Variants in LRRIQ1 observed in about 807,000 individuals in gnomAD.
LRRIQ1 encodes the protein leucine rich repeats and IQ motif containing 1.
A neutral mutation model predicts 211.9 loss-of-function variants in LRRIQ1; 210 were observed. The observed-to-expected ratio is 0.99, with a 90% CI of 0.89 to 1.11. The LOEUF (loss-of-function observed/expected upper bound fraction) is 1.11. Among genes scored for constraint, LRRIQ1 ranks in the 50% most tolerant of loss-of-function variants. The probability of loss-of-function intolerance (pLI) is 0.00; values close to 1 mark genes in which losing one functional copy is unlikely to be tolerated. For synonymous variants in LRRIQ1, 699 were observed against 650.1 expected (o/e 1.08, Z -1.14); for missense variants, 2,136 against 1,939.5 (o/e 1.10, Z -1.90).
chr12:85,041,471 G>C (rs1309447689), intron 3 of LRRIQ1, among the ~76,000 whole-genome samples: 1 of 151,478 alleles, frequency 6.6e-6, no homozygotes, highest in African/African-American at 2.4e-5. Flanking sequence ...GAAGGTCTCT[G>C]TGACAAGGTG....
intron 24 of LRRIQ1, among the ~76,000 whole-genome samples, chr12:85,178,657 C>T (rs1161620078): frequency 1.3e-5 from 2 of 151,964 alleles, no homozygotes; most frequent in African/African-American, 4.8e-5. Flanking sequence ...TCCCTTACAT[C>T]TTCGCTTCCA....
intron 17 of LRRIQ1, among the ~76,000 whole-genome samples, chr12:85,125,538 C>G (rs1405854410): frequency 6.6e-6 from 1 of 152,124 alleles, no homozygotes; most frequent in East Asian, 1.9e-4. Context: ...TGGTGCTGAG[C>G]AGTGCAAATA....
chr12:85,098,406 A>G lies in LRRIQ1; in HGVS notation c.2939A>G (p.Gln980Arg). 6.2e-7 allele frequency: 1 copy of G among 1,610,512 alleles called. No individual in the cohort carries two copies. Among genetic ancestry groups the G allele is most frequent in the Non-Finnish European group, 8.5e-7 (1 of 1,178,412 alleles). Residue 980 changes from glutamine to arginine, a missense_variant, in exon 12 of 27, where the codon CAG (glutamine) becomes CGG (arginine). Coordinates refer to ENST00000393217, the MANE Select transcript of LRRIQ1 (RefSeq NM_001079910.2). ...NLQQLILDHN[Q>R]LINTKGLCDT... ...CAACAACTAATTTTGGACCACAATC[A>G]GTTAATTAATACAAAAGGTCTTTGT...
intron 26 of LRRIQ1, among the ~76,000 whole-genome samples, chr12:85,241,797 A>G (rs911596570): frequency 4.6e-5 from 7 of 152,000 alleles, no homozygotes; most frequent in East Asian, 1.9e-4. Flanking sequence ...TTCACTTCCA[A>G]AAAGACAATA....
chr12:85,237,152 A>G (rs1895226612), intron 26 of LRRIQ1, among the ~76,000 whole-genome samples: 1 of 152,054 alleles, frequency 6.6e-6, no homozygotes, highest in Non-Finnish European at 1.5e-5. Context: ...TGTAGTATAG[A>G]CCAGTCCTTC....
chr12:85,121,609 A>G, intron 15 of LRRIQ1, 88 bp from the exon 16 acceptor site: 1 of 905,500 alleles, frequency 1.1e-6, no homozygotes, highest in Non-Finnish European at 1.5e-6. Flanking sequence ...CTATGCTTGT[A>G]TTATTTAAAT....
chr12:85,037,874 A>G (rs1878353057), intron 1 of LRRIQ1, among the ~76,000 whole-genome samples: 1 of 151,982 alleles, frequency 6.6e-6, no homozygotes, highest in Non-Finnish European at 1.5e-5. Context: ...ACTGAAACAA[A>G]AATTTTATAA....
intron 1 of LRRIQ1, among the ~76,000 whole-genome samples, chr12:85,251,716 G>C (rs1202976570): frequency 6.7e-6 from 1 of 149,356 alleles, no homozygotes; most frequent in Admixed American, 6.7e-5. Context: ...TCCATTAAGA[G>C]AACATTATGG....
At chr12:85,264,459 A>G (rs1452970038), downstream of LRRIQ1, 6 of 152,036 alleles carry the variant, frequency 3.9e-5, no homozygotes, top group Non-Finnish European at 8.8e-5. Context: ...TTTCCTAATT[A>G]TGGTGTGAAA....
At chr12:85,145,509 GA>G (rs1445528391) in intron 19 of LRRIQ1, among the ~76,000 whole-genome samples, 2 of 151,308 alleles carry the variant, frequency 1.3e-5, no homozygotes, top group Non-Finnish European at 3.0e-5. Flanking sequence ...TATCCTACAT[GA>G]ACTCTAACAA....
intron 24 of LRRIQ1, chr12:85,162,942 G>C (rs190285370): frequency 2.8e-6 from 1 of 362,012 alleles, no homozygotes; most frequent in Non-Finnish European, 5.3e-6. Flanking sequence ...TTTTTTAACA[G>C]TTAATATGTT....
At chr12:85,161,397 T>A (rs949189789) in intron 24 of LRRIQ1, among the ~76,000 whole-genome samples, 2 of 149,894 alleles carry the variant, frequency 1.3e-5, no homozygotes, top group Non-Finnish European at 2.9e-5. Flanking sequence ...ATTGTACTAC[T>A]TTTTTAGTAT....
At chr12:85,244,726 C>A in intron 26 of LRRIQ1, 63 bp from the exon 27 acceptor site, 1 of 1,389,288 alleles carries the variant, frequency 7.2e-7, no homozygotes, top group Admixed American at 1.7e-5. Flanking sequence ...GTAATGTGAG[C>A]TGCATTCAGA....
intron 11 of LRRIQ1, among the ~76,000 whole-genome samples, chr12:85,079,384 C>A (rs568562907): frequency 6.6e-6 from 1 of 151,150 alleles, no homozygotes; most frequent in Admixed American, 6.6e-5. Flanking sequence ...CCACCATGCC[C>A]GGCTAATTTT....
At chr12:85,205,169 C>T (rs1893481689) in intron 24 of LRRIQ1, among the ~76,000 whole-genome samples, 1 of 152,112 alleles carries the variant, frequency 6.6e-6, no homozygotes, top group South Asian at 2.1e-4. Context: ...GGGACTTGCT[C>T]CTCCTTGCCT....
chr12:85,168,546 A>G (rs1294538583), intron 24 of LRRIQ1, among the ~76,000 whole-genome samples: 3 of 152,146 alleles, frequency 2.0e-5, no homozygotes, highest in African/African-American at 7.2e-5. Context: ...GGCCAGCAGA[A>G]TATAATGTCA....
chr12:85,128,937 A>T (rs1888566301), intron 18 of LRRIQ1, among the ~76,000 whole-genome samples: 1 of 152,146 alleles, frequency 6.6e-6, no homozygotes, highest in Non-Finnish European at 1.5e-5. Flanking sequence ...CAAAGTGTTG[A>T]CTGGGGCCTT....
intron 24 of LRRIQ1, among the ~76,000 whole-genome samples, chr12:85,166,107 A>G (rs1891146108): frequency 6.6e-6 from 1 of 152,172 alleles, no homozygotes; most frequent in East Asian, 1.9e-4. Context: ...TTTTATTTAT[A>G]CATAAATTAA....
chr12:85,185,738 A>T (rs1892197341), intron 24 of LRRIQ1, among the ~76,000 whole-genome samples: 1 of 151,974 alleles, frequency 6.6e-6, no homozygotes, highest in Non-Finnish European at 1.5e-5. Flanking sequence ...TATAAACAGA[A>T]ATACAATTTT....
Sources: gnomAD v4.1 joint callset for allele counts (sites outside exome capture counted in the v4.1 genomes callset) on GRCh38, gnomAD v4.1.1 for gene constraint, MANE v1.5 for transcripts, NCBI Gene and HGNC (gene_info 2026-07-23, HGNC 2026-07-21) for gene names.